Variants in HS3ST4 observed in about 807,000 individuals in gnomAD.
The protein encoded by HS3ST4 is heparan sulfate glucosamine 3-O-sulfotransferase 4.
In HS3ST4, 17 loss-of-function variants were observed where a neutral mutation model predicts 29.2. The observed-to-expected ratio is 0.58, with a 90% confidence interval of 0.40 to 0.87. The LOEUF (loss-of-function observed/expected upper bound fraction) is 0.87, where lower values mean the gene tolerates loss of function less well. HS3ST4 is among the 40% of genes least tolerant of loss of function. HS3ST4 has a pLI of 0.00. For missense variants in HS3ST4, 627 were observed against 634.5 expected (o/e 0.99, Z 0.13); for synonymous variants, 314 against 285.7 (o/e 1.10, Z -1.00).
intron 1 of HS3ST4, among the ~76,000 whole-genome samples, chr16:25,992,418 T>G (rs1280922814): frequency 1.3e-5 from 2 of 152,226 alleles, no homozygotes; most frequent in African/African-American, 4.8e-5. Flanking sequence ...GGAAACAGTA[T>G]ATATCATGGT....
At chr16:25,933,418 AT>A (rs746342176) in intron 1 of HS3ST4, 1 of 514,880 alleles carries the variant, frequency 1.9e-6, no homozygotes, top group East Asian at 5.5e-5. Flanking sequence ...CTTCCATAGC[AT>A]TTGAAGTGAA....
chr16:25,763,817 A>G (rs2141607691), intron 1 of HS3ST4, among the ~76,000 whole-genome samples: 1 of 152,306 alleles, frequency 6.6e-6, no homozygotes, highest in Admixed American at 6.5e-5. Flanking sequence ...TGAGCTGTGG[A>G]AGATTTTAAG....
At chr16:26,107,206 G>A (rs945205531) in intron 1 of HS3ST4, among the ~76,000 whole-genome samples, 2 of 151,928 alleles carry the variant, frequency 1.3e-5, no homozygotes, top group Admixed American at 6.6e-5. Flanking sequence ...CGTATATATG[G>A]AATTAAAGAA....
intron 1 of HS3ST4, among the ~76,000 whole-genome samples, chr16:25,950,529 C>T (rs2141696815): frequency 6.6e-6 from 1 of 152,142 alleles, no homozygotes; most frequent in South Asian, 2.1e-4. Flanking sequence ...GGTTAAGTGT[C>T]AGACTGCTTG....
intron 1 of HS3ST4, among the ~76,000 whole-genome samples, chr16:26,000,132 C>T (rs535001410): frequency 9.9e-5 from 15 of 151,734 alleles, no homozygotes; most frequent in South Asian, 4.2e-4. Flanking sequence ...ATTTGTGATA[C>T]GTAGACACTC....
chr16:25,755,481 A>C (rs911292573), intron 1 of HS3ST4, among the ~76,000 whole-genome samples: 12 of 152,176 alleles, frequency 7.9e-5, no homozygotes, highest in African/African-American at 2.4e-4. Flanking sequence ...TTTGAGGGTG[A>C]ATGGCTGACA....
At chr16:25,880,789 G>A (rs941630108) in intron 1 of HS3ST4, among the ~76,000 whole-genome samples, 7 of 152,174 alleles carry the variant, frequency 4.6e-5, no homozygotes, top group African/African-American at 1.7e-4. Flanking sequence ...AATGAATAGA[G>A]ACATCCTAAT....
In HS3ST4 at chr16:25,963,536, T is replaced by C. The variant is rs956731700; in HGVS notation, c.735-172076T>C. On this transcript the variant is annotated intron_variant, in intron 1 of 1. Coordinates refer to ENST00000331351, the MANE Select transcript of HS3ST4 (RefSeq NM_006040.3). ...TTCTGACTTCCTGTCCTGTTTTCAC[T>C]CTCTTCCTGGCCTGAGTTTCCCATT... Among the ~76,000 whole-genome samples the C allele has an allele frequency of 2.6e-5, 4 of 152,348 alleles. No homozygotes were observed. The South Asian group carries it at 8.3e-4, about 32-fold the overall frequency.
chr16:25,880,575 C>T (rs1006176877), intron 1 of HS3ST4, among the ~76,000 whole-genome samples: 21 of 152,128 alleles, frequency 1.4e-4, no homozygotes, highest in Non-Finnish European at 2.4e-4. Flanking sequence ...AATGTATAGC[C>T]GCTTTCATCT....
At chr16:26,058,947 C>G (rs563451985) in intron 1 of HS3ST4, among the ~76,000 whole-genome samples, 1 of 152,260 alleles carries the variant, frequency 6.6e-6, no homozygotes, top group South Asian at 2.1e-4. Context: ...CCAGTTCCAA[C>G]CTGGGGGCTG....
At chr16:25,701,668 TATTC>T (rs1567222972) in intron 1 of HS3ST4, among the ~76,000 whole-genome samples, 2 of 152,294 alleles carry the variant, frequency 1.3e-5, no homozygotes, top group South Asian at 2.1e-4. Flanking sequence ...GTTATTTAGT[TATTC>T]ATTCATGTAT....
chr16:25,741,393 CG>C (rs1029583851), intron 1 of HS3ST4, among the ~76,000 whole-genome samples: 2 of 74,976 alleles, frequency 2.7e-5, no homozygotes, highest in East Asian at 4.5e-4. Flanking sequence ...AAAAAAAAGG[CG>C]GGGGGAGGAG....
chr16:26,087,768 A>C (rs577424114), intron 1 of HS3ST4, among the ~76,000 whole-genome samples: 3 of 152,268 alleles, frequency 2.0e-5, no homozygotes, highest in African/African-American at 7.2e-5. Context: ...GTTCCAATCA[A>C]CTTTCCCTTT....
At chr16:26,037,847 G>T (rs1265569231) in intron 1 of HS3ST4, among the ~76,000 whole-genome samples, 1 of 152,176 alleles carries the variant, frequency 6.6e-6, no homozygotes, top group Non-Finnish European at 1.5e-5. Context: ...TGTTTTCTCA[G>T]ATCTGGTGAG....
intron 1 of HS3ST4, among the ~76,000 whole-genome samples, chr16:25,999,445 T>C (rs1003889133): frequency 6.6e-6 from 1 of 152,088 alleles, no homozygotes; most frequent in Admixed American, 6.6e-5. Context: ...CTTGATTAGA[T>C]GCGCAGATGT....
intron 1 of HS3ST4, among the ~76,000 whole-genome samples, chr16:25,978,840 A>G (rs1473072708): frequency 1.3e-5 from 2 of 152,126 alleles, no homozygotes; most frequent in Non-Finnish European, 2.9e-5. Context: ...GCCCTGAATG[A>G]GAGAAGCTAT....
intron 1 of HS3ST4, among the ~76,000 whole-genome samples, chr16:26,001,918 A>G (rs1431577921): frequency 1.3e-5 from 2 of 152,190 alleles, no homozygotes; most frequent in South Asian, 2.1e-4. Context: ...GAAAGGATGT[A>G]TCTGAGAGGT....
intron 1 of HS3ST4, among the ~76,000 whole-genome samples, chr16:25,951,580 C>G (rs942073741): frequency 6.6e-6 from 1 of 152,234 alleles, no homozygotes; most frequent in Non-Finnish European, 1.5e-5. Context: ...GCTCAGGCAT[C>G]CTATCTGTAT....
intron 1 of HS3ST4, among the ~76,000 whole-genome samples, chr16:25,898,662 G>A (rs1968093773): frequency 6.6e-6 from 1 of 152,134 alleles, no homozygotes; most frequent in Non-Finnish European, 1.5e-5. Context: ...AAGGTCACCG[G>A]AAGCATGAAT....
Sources: gnomAD v4.1 joint callset for allele counts (sites outside exome capture counted in the v4.1 genomes callset) on GRCh38, gnomAD v4.1.1 for gene constraint, MANE v1.5 for transcripts, NCBI Gene and HGNC (gene_info 2026-07-23, HGNC 2026-07-21) for gene names.